ABHD3: variants seen among roughly 807,000 people sequenced by gnomAD.
ABHD3 encodes abhydrolase domain containing 3, phospholipase, also known as phospholipase ABHD3.
Under a neutral mutation model 48.8 loss-of-function variants are expected in ABHD3, and 46 were observed. That is an observed-to-expected ratio of 0.94 (90% CI 0.74 to 1.20). The LOEUF is 1.20. Among genes scored for constraint, ABHD3 ranks in the 50% most tolerant of loss-of-function variants. The pLI is 0.00. For missense variants in ABHD3, 490 were observed against 497.8 expected (o/e 0.98, Z 0.15); for synonymous variants, 192 against 183.7 (o/e 1.04, Z -0.36).
chr18:21,659,075 G>A (rs886588607), intron 6 of ABHD3, 95 bp downstream of exon 6: 65 of 1,288,262 alleles, frequency 5.0e-5, no homozygotes, highest in Non-Finnish European at 6.1e-5. Context: ...TCCTGACCTC[G>A]TGATCCCCCC....
intron 4 of ABHD3, among the ~76,000 whole-genome samples, chr18:21,676,024 A>G (rs1192444114): frequency 3.3e-5 from 5 of 152,166 alleles, no homozygotes; most frequent in Admixed American, 3.3e-4. Flanking sequence ...CTTCTTCTAC[A>G]GGCACTAATT....
At chr18:21,670,487 T>C (rs2039732403) in intron 4 of ABHD3, among the ~76,000 whole-genome samples, 1 of 152,202 alleles carries the variant, frequency 6.6e-6, no homozygotes, top group Non-Finnish European at 1.5e-5. Flanking sequence ...TCTCATTAGC[T>C]TTTCACTGCC....
At position 21,702,214 on chromosome 18, in the gene ABHD3, T is replaced by G. The variant is rs542241131; in HGVS notation, c.509+102A>C. 60 of 1,069,220 alleles carry G rather than the reference T, an allele frequency of 5.6e-5. No homozygotes were observed. The East Asian group carries it at 1.6e-3, about 28-fold the overall frequency. 66.2% of individuals were successfully genotyped at this position (1,069,220 alleles called of 1,614,324 possible). A position where few individuals can be genotyped will look rare whatever the true frequency, so the allele number is the denominator to read the frequency against. ...AAATAATAATTTAAGGGACTGCTTT[T>G]CTATGCAAGAAGTACTAAGTATTTC... On this transcript the variant is annotated intron_variant, in intron 3 of 8. Coordinates refer to ENST00000289119, the MANE Select transcript of ABHD3 (RefSeq NM_138340.5).
intron 4 of ABHD3, among the ~76,000 whole-genome samples, chr18:21,666,481 C>T (rs1442580409): frequency 6.6e-6 from 1 of 151,840 alleles, no homozygotes; most frequent in Non-Finnish European, 1.5e-5. Flanking sequence ...TGTGAGCCAC[C>T]GTGCCCGGCC....
At chr18:21,690,630 A>C (rs2040229778) in intron 3 of ABHD3, among the ~76,000 whole-genome samples, 1 of 152,098 alleles carries the variant, frequency 6.6e-6, no homozygotes, top group East Asian at 1.9e-4. Flanking sequence ...CACCACATTA[A>C]CAATTACATT....
Position 21,651,027 on chromosome 18 carries a change from T to TA in ABHD3, c.*563dup, listed in dbSNP as rs1231873713. ...TAGTCCTAATTTAATATTATCAGAG[T>TA]AAAAGAGCACATATAGAAGTCAGTC... On this transcript the variant is annotated 3_prime_UTR_variant, in exon 9 of 9. Coordinates refer to ENST00000289119, the MANE Select transcript of ABHD3 (RefSeq NM_138340.5). 3.4e-4 allele frequency: 52 copies of TA among 152,222 alleles called. No homozygotes were observed. The highest frequency in any genetic ancestry group is 1.2e-3 in the African/African-American group (48 of 41,548). The allele number at this position is 152,222 out of a possible 1,614,324, so 9.4% of individuals were successfully genotyped here. A position where few individuals can be genotyped will look rare whatever the true frequency, so the allele number is the denominator to read the frequency against.
rs562875132 is a variant in ABHD3, at chr18:21,661,505, C to T, written c.669-2162G>A. On this transcript the variant is annotated intron_variant, in intron 5 of 8. Coordinates refer to ENST00000289119, the MANE Select transcript of ABHD3 (RefSeq NM_138340.5). ...TATTAGCTGGACATGGTGGTGGGCG[C>T]CCGTAATCCTAGCTACTCGTGAGGC... Among the ~76,000 whole-genome samples, 6 of 151,952 alleles carry T rather than the reference C, an allele frequency of 3.9e-5. No homozygotes were observed. In the East Asian group the frequency reaches 1.2e-3, roughly 30 times the overall value.
At chr18:21,673,309 T>A (rs185856652) in intron 4 of ABHD3, among the ~76,000 whole-genome samples, 192 of 152,340 alleles carry the variant, frequency 1.3e-3, no homozygotes, top group Non-Finnish European at 2.2e-3. Flanking sequence ...TCAATATTTT[T>A]TGAGATGGAG....
intron 5 of ABHD3, among the ~76,000 whole-genome samples, chr18:21,659,788 C>G (rs983375721): frequency 6.6e-6 from 1 of 152,042 alleles, no homozygotes; most frequent in Admixed American, 6.6e-5. Flanking sequence ...CCTGCCTCAG[C>G]CTCCCGCGTA....
chr18:21,651,471 T>C lies in ABHD3; in HGVS notation c.*120A>G. On this transcript the variant is annotated 3_prime_UTR_variant, in exon 9 of 9. Coordinates refer to ENST00000289119, the MANE Select transcript of ABHD3 (RefSeq NM_138340.5). ...AAAAAGTAGTTTTTGCATATCATTC[T>C]GGACCTCTTCACCCATCTGCTGGCT... The C allele has an allele frequency of 2.6e-6, 3 of 1,166,074 alleles. No homozygotes were observed. In the South Asian group the frequency reaches 4.8e-5, roughly 19 times the overall value. The allele number at this position is 1,166,074 out of a possible 1,614,324, so 72.2% of individuals were successfully genotyped here.
intron 4 of ABHD3, among the ~76,000 whole-genome samples, chr18:21,675,563 A>G (rs1257241951): frequency 2.0e-5 from 3 of 151,912 alleles, no homozygotes; most frequent in East Asian, 2.0e-4. Flanking sequence ...CACCGCACCC[A>G]GCCTGAGGTG....
At chr18:21,677,674 G>GTTAT (rs139403965) in intron 4 of ABHD3, among the ~76,000 whole-genome samples, 343 of 151,418 alleles carry the variant, frequency 2.3e-3, no homozygotes, top group African/African-American at 6.7e-3. Context: ...TTTGTTTTTG[G>GTTAT]TTATTTATTT....
chr18:21,692,323 G>T (rs1366362229), intron 3 of ABHD3, among the ~76,000 whole-genome samples: 1 of 152,208 alleles, frequency 6.6e-6, no homozygotes, highest in South Asian at 2.1e-4. Context: ...AGTAATTTCT[G>T]CTTTTTGTTT....
chr18:21,687,331 C>G (rs371242783), intron 3 of ABHD3, among the ~76,000 whole-genome samples: 31 of 152,254 alleles, frequency 2.0e-4, no homozygotes, highest in East Asian at 7.7e-4. Context: ...GCCTCAGCCT[C>G]CCGAGTAGCT....
intron 8 of ABHD3, chr18:21,655,152 T>C (rs1015363828): frequency 3.9e-5 from 6 of 152,132 alleles, no homozygotes; most frequent in Non-Finnish European, 7.3e-5. Context: ...TTTAAAAATA[T>C]ATATATATAC....
At chr18:21,674,353 T>TG (rs1272517224) in intron 4 of ABHD3, among the ~76,000 whole-genome samples, 14 of 152,062 alleles carry the variant, frequency 9.2e-5, no homozygotes, top group African/African-American at 3.4e-4. Flanking sequence ...GCGATCCTCC[T>TG]GCCTCAACCT....
intron 3 of ABHD3, among the ~76,000 whole-genome samples, chr18:21,694,327 C>CCTT (rs2040319027): frequency 6.6e-6 from 1 of 152,132 alleles, no homozygotes; most frequent in Non-Finnish European, 1.5e-5. Context: ...GAACTCCTGA[C>CCTT]GTCAAGCGAT....
Position 21,703,734 on chromosome 18 carries a change from ACT to A in ABHD3, c.174_175del (p.Leu58PhefsTer5), listed in dbSNP as rs765171035. On this transcript the variant is annotated frameshift_variant, in exon 2 of 9. Coordinates refer to ENST00000289119, the MANE Select transcript of ABHD3 (RefSeq NM_138340.5). LOFTEE classifies it high-confidence loss of function. ...GCGGCTGAAACTCTCACCCCCGGTCACTAACTGGGGTTTCTGAAGGGAAAAGC... is the reference window on the plus strand; with the variant it reads ...GCGGCTGAAACTCTCACCCCCGGTCAAACTGGGGTTTCTGAAGGGAAAAGC... 11 of 1,613,692 alleles carry A rather than the reference ACT, an allele frequency of 6.8e-6. No homozygotes were observed. In the South Asian group the frequency reaches 1.2e-4, roughly 18 times the overall value.
intron 4 of ABHD3, among the ~76,000 whole-genome samples, chr18:21,668,150 G>A (rs1258338373): frequency 2.4e-5 from 3 of 125,106 alleles, no homozygotes; most frequent in Middle Eastern, 5.2e-3. Context: ...GCAGTGAGCC[G>A]AGATCACACC....
Sources: allele counts gnomAD v4.1 joint callset (sites outside exome capture counted in the v4.1 genomes callset), GRCh38; gene constraint gnomAD v4.1.1; transcripts MANE v1.5; gene names NCBI Gene and HGNC (gene_info 2026-07-23, HGNC 2026-07-21).